The following POLR3B variants were observed in gnomAD, a reference collection of about 807,000 sequenced individuals.
POLR3B encodes RNA polymerase III subunit B.
In POLR3B, 96 loss-of-function variants were observed where a neutral mutation model predicts 147.4. The ratio of observed to expected loss-of-function variants is 0.65; its 90% confidence interval spans 0.55 to 0.77. POLR3B has a LOEUF of 0.77. Among genes scored for constraint, POLR3B ranks in the 30% least tolerant of loss-of-function variants. The probability of loss-of-function intolerance (pLI) is 0.00; values close to 1 mark genes in which losing one functional copy is unlikely to be tolerated. For missense variants in POLR3B, 1,036 were observed against 1,413.5 expected (o/e 0.73, Z 4.28); for synonymous variants, 461 against 485.9 (o/e 0.95, Z 0.67).
At chr12:106,439,310 T>C (rs1041524218) in intron 18 of POLR3B, among the ~76,000 whole-genome samples, 1 of 152,010 alleles carries the variant, frequency 6.6e-6, no homozygotes, top group Admixed American at 6.6e-5. Context: ...CCAGGAGTTA[T>C]GGGTTACACT....
intron 12 of POLR3B, among the ~76,000 whole-genome samples, chr12:106,414,209 G>A (rs1461251165): frequency 1.6e-5 from 2 of 127,238 alleles, no homozygotes; most frequent in Non-Finnish European, 3.3e-5. Context: ...TGTTCAGGAT[G>A]GGATACAAAA....
At chr12:106,494,420 T>C (rs955789747) in intron 23 of POLR3B, among the ~76,000 whole-genome samples, 5 of 152,202 alleles carry the variant, frequency 3.3e-5, no homozygotes, top group African/African-American at 1.2e-4. Flanking sequence ...GGTTTTGTTT[T>C]TTCAGGGGTA....
At position 106,424,176 on chromosome 12, in the gene POLR3B, A is replaced by T. The variant is rs572074565; in HGVS notation, c.1102-3021A>T. Among the ~76,000 whole-genome samples the T allele has an allele frequency of 4.2e-3, 641 of 151,660 alleles. 7 individuals are homozygous for T. Among genetic ancestry groups the T allele is most frequent in the African/African-American group, 0.015 (603 of 41,234 alleles). On this transcript the variant is annotated intron_variant, in intron 12 of 27. Coordinates refer to ENST00000228347, the MANE Select transcript of POLR3B (RefSeq NM_018082.6). The stretch of plus-strand genomic sequence containing the variant: ...GCCCTCATGGTGTCTTTTAACATAT[A>T]TATATATTCCTCTCCCTCCTAAATT...
intron 9 of POLR3B, among the ~76,000 whole-genome samples, chr12:106,383,148 G>A (rs2036787720): frequency 6.6e-6 from 1 of 152,078 alleles, no homozygotes; most frequent in Non-Finnish European, 1.5e-5. Context: ...ACCTCTCTCA[G>A]CCTTCGTAGA....
intron 12 of POLR3B, among the ~76,000 whole-genome samples, chr12:106,423,476 C>T (rs897450595): frequency 3.3e-5 from 5 of 152,068 alleles, no homozygotes; most frequent in African/African-American, 9.7e-5. Context: ...GAGAAGCTAG[C>T]GGTATAGTTT....
In POLR3B at chr12:106,496,763, C is replaced by T. The variant is rs1308987383; in HGVS notation, c.2829C>T (p.Leu943=). 6.2e-7 allele frequency: 1 copy of T among 1,614,116 alleles called. No homozygotes were observed. Among genetic ancestry groups the T allele is most frequent in the South Asian group, 1.1e-5 (1 of 91,080 alleles). ...GFPSRMTVGK[L]IELLAGKAGV... is the part of the protein sequence containing the mutation. ...TTCACATCCTGCAGGTGGGGAAGCT[C>T]ATTGAGCTGCTGGCTGGCAAGGCCG... The change falls in exon 25 of 28, where the codon CTC becomes CTT. Residue 943 remains leucine, a synonymous_variant. Coordinates refer to ENST00000228347, the MANE Select transcript of POLR3B (RefSeq NM_018082.6).
At chr12:106,374,119 T>C (rs2036645954) in intron 6 of POLR3B, among the ~76,000 whole-genome samples, 1 of 152,226 alleles carries the variant, frequency 6.6e-6, no homozygotes, top group East Asian at 1.9e-4. Flanking sequence ...ACCTTTATTC[T>C]CTTCCTGGCA....
chr12:106,508,443 T>C (rs1455847076), intron 27 of POLR3B, among the ~76,000 whole-genome samples: 1 of 152,196 alleles, frequency 6.6e-6, no homozygotes, highest in Non-Finnish European at 1.5e-5. Flanking sequence ...GGACTCATTT[T>C]CCTCCTCGTT....
chr12:106,500,251 G>T (rs1482035925), intron 25 of POLR3B: 3 of 442,066 alleles, frequency 6.8e-6, no homozygotes, highest in Non-Finnish European at 9.0e-6. Context: ...GGTTGTTCTT[G>T]CTCCAGATTA....
chr12:106,432,497 G>A lies in POLR3B; in HGVS notation c.1627+17G>A, dbSNP rs201825121. 202 of 1,600,754 alleles carry A rather than the reference G, an allele frequency of 1.3e-4. No homozygotes were observed. The Middle Eastern group carries it at 1.7e-3, about 13-fold the overall frequency. On this transcript the variant is annotated intron_variant, in intron 15 of 27. Coordinates refer to ENST00000228347, the MANE Select transcript of POLR3B (RefSeq NM_018082.6). ...TTCTTAATGGTGGGTATATTATAGA[G>A]ACATGTTGGTCCTAGATAGTCTGTG...
intron 19 of POLR3B, among the ~76,000 whole-genome samples, chr12:106,450,243 T>C (rs34619628): frequency 0.24 from 36,369 of 152,094 alleles, 5,948 homozygotes; most frequent in East Asian, 0.71. Flanking sequence ...AAATATATTA[T>C]AGCCCTAAAT....
chr12:106,373,710 T>C (rs1408712075), intron 6 of POLR3B, among the ~76,000 whole-genome samples: 2 of 151,906 alleles, frequency 1.3e-5, no homozygotes, highest in Non-Finnish European at 2.9e-5. Flanking sequence ...GCCGAGATTG[T>C]GCCACTGTAC....
At chr12:106,482,367 T>C (rs559738960) in intron 23 of POLR3B, among the ~76,000 whole-genome samples, 2 of 152,250 alleles carry the variant, frequency 1.3e-5, no homozygotes, top group African/African-American at 4.8e-5. Context: ...GGATAATTTA[T>C]AAAGAAAAGA....
chr12:106,411,435 G>A (rs2037225877), intron 12 of POLR3B, among the ~76,000 whole-genome samples: 1 of 152,174 alleles, frequency 6.6e-6, no homozygotes, highest in South Asian at 2.1e-4. Flanking sequence ...ACCATGCCCA[G>A]CCTAATTCTT....
intron 18 of POLR3B, among the ~76,000 whole-genome samples, chr12:106,444,152 T>C (rs2037691563): frequency 6.6e-6 from 1 of 152,198 alleles, no homozygotes; most frequent in Admixed American, 6.5e-5. Flanking sequence ...TATATTCCAC[T>C]CTTAAATGGT....
intron 12 of POLR3B, among the ~76,000 whole-genome samples, chr12:106,417,200 A>G (rs2037316059): frequency 6.6e-6 from 1 of 152,212 alleles, no homozygotes; most frequent in Non-Finnish European, 1.5e-5. Flanking sequence ...GAATAAGGAG[A>G]AGTTGCTCTC....
intron 18 of POLR3B, among the ~76,000 whole-genome samples, chr12:106,440,441 A>C (rs886471104): frequency 2.0e-5 from 3 of 152,130 alleles, no homozygotes; most frequent in Non-Finnish European, 4.4e-5. Flanking sequence ...AGAAGTCCTT[A>C]CAGAAGCCTT....
intron 6 of POLR3B, among the ~76,000 whole-genome samples, chr12:106,373,464 T>G (rs183024042): frequency 6.6e-6 from 1 of 152,238 alleles, no homozygotes; most frequent in Non-Finnish European, 1.5e-5. Context: ...TGTTTAATCT[T>G]TTATATGGGC....
At chr12:106,457,726 G>T (rs921023638) in intron 21 of POLR3B, among the ~76,000 whole-genome samples, 1 of 152,130 alleles carries the variant, frequency 6.6e-6, no homozygotes, top group Non-Finnish European at 1.5e-5. Context: ...GCCCTTATGG[G>T]TCTCACAGGC....
Sources: gnomAD v4.1 joint callset for allele counts (sites outside exome capture counted in the v4.1 genomes callset) on GRCh38, gnomAD v4.1.1 for gene constraint, MANE v1.5 for transcripts, NCBI Gene and HGNC (gene_info 2026-07-23, HGNC 2026-07-21) for gene names.